The following SH3RF3 variants were observed in gnomAD, a reference collection of about 807,000 sequenced individuals.
SH3RF3 encodes E3 ubiquitin-protein ligase SH3RF3.
A neutral mutation model predicts 66.3 loss-of-function variants in SH3RF3; 29 were observed. That is an observed-to-expected ratio of 0.44 (90% CI 0.33 to 0.60). The LOEUF is 0.60. Ranked by LOEUF, SH3RF3 falls within the 20% of genes least tolerant of loss-of-function variation. The pLI is 0.04. For missense variants in SH3RF3, 1,194 were observed against 1,190.9 expected, an observed-to-expected ratio of 1.00 and a Z score of -0.04; for synonymous variants, 583 against 532.0, an observed-to-expected ratio of 1.10 and a Z score of -1.32.
At chr2:109,425,722 ATTACTGCTCAT>A (rs1359130769) in intron 5 of SH3RF3, among the ~76,000 whole-genome samples, 1 of 151,868 alleles carries the variant, frequency 6.6e-6, no homozygotes, top group Non-Finnish European at 1.5e-5. Flanking sequence ...CTTTTAAAAT[ATTACTGCTCAT>A]TGCCAGTGTA....
At chr2:109,337,727 A>G (rs1682457381) in intron 1 of SH3RF3, among the ~76,000 whole-genome samples, 1 of 151,194 alleles carries the variant, frequency 6.6e-6, no homozygotes, top group East Asian at 2.0e-4. Context: ...TTGTTTTGCT[A>G]AGGTCCCCCT....
chr2:109,331,129 A>G (rs932832058), intron 1 of SH3RF3, among the ~76,000 whole-genome samples: 1 of 152,192 alleles, frequency 6.6e-6, no homozygotes, highest in Non-Finnish European at 1.5e-5. Context: ...AGATAAACTC[A>G]AAAGCGGTTT....
intron 4 of SH3RF3, among the ~76,000 whole-genome samples, chr2:109,416,542 G>A (rs1367620315): frequency 2.0e-5 from 3 of 152,044 alleles, no homozygotes; most frequent in Non-Finnish European, 4.4e-5. Flanking sequence ...GCGCCATCAT[G>A]CCTGGCTAAT....
intron 1 of SH3RF3, among the ~76,000 whole-genome samples, chr2:109,180,363 T>C (rs1678047257): frequency 1.3e-5 from 2 of 152,134 alleles, no homozygotes; most frequent in African/African-American, 4.8e-5. Flanking sequence ...AAAGGGACCA[T>C]CTCATTGGCT....
chr2:109,442,138 C>G (rs369893915), intron 7 of SH3RF3, among the ~76,000 whole-genome samples: 9 of 151,902 alleles, frequency 5.9e-5, no homozygotes, highest in South Asian at 2.1e-4. Context: ...AGTGAAACCC[C>G]GTCTCTACTA....
rs573115587 is a variant in SH3RF3 at position 109,378,035 on chromosome 2, G to A, written c.945+6354G>A. 2.0e-5 allele frequency among the ~76,000 whole-genome samples: 3 copies of A among 152,354 alleles called. No homozygotes were observed. The South Asian group carries it at 6.2e-4, about 32-fold the overall frequency. On this transcript the variant is annotated intron_variant, in intron 3 of 9. Coordinates refer to ENST00000309415, the MANE Select transcript of SH3RF3 (RefSeq NM_001099289.3). ...GTGTTGGATTTGCCATTTTACCTTG[G>A]TCTTGTGGGTTTTCGGCCCTTGCCT...
chr2:109,491,915 C>T (rs767385851), intron 9 of SH3RF3, among the ~76,000 whole-genome samples: 2 of 152,228 alleles, frequency 1.3e-5, no homozygotes, highest in Non-Finnish European at 2.9e-5. Flanking sequence ...TCCCAGACGC[C>T]ATTCCCAGTG....
intron 4 of SH3RF3, among the ~76,000 whole-genome samples, chr2:109,401,511 A>C (rs1019911482): frequency 6.6e-6 from 1 of 152,162 alleles, no homozygotes; most frequent in Admixed American, 6.5e-5. Context: ...GCCAGTGCCT[A>C]TCCTGACAAG....
chr2:109,500,047 G>C (rs763475721), intron 9 of SH3RF3, among the ~76,000 whole-genome samples: 4 of 152,124 alleles, frequency 2.6e-5, no homozygotes, highest in Admixed American at 1.3e-4. Context: ...ACATGCTGAC[G>C]TGCTCACTGA....
chr2:109,301,912 G>A (rs1395367019), intron 1 of SH3RF3, among the ~76,000 whole-genome samples: 1 of 152,164 alleles, frequency 6.6e-6, no homozygotes, highest in African/African-American at 2.4e-5. Context: ...CTTCCCCGGT[G>A]CGGGACCGGG....
chr2:109,141,196 T>G (rs1303451344), intron 1 of SH3RF3, among the ~76,000 whole-genome samples: 1 of 152,222 alleles, frequency 6.6e-6, no homozygotes, highest in African/African-American at 2.4e-5. Context: ...TCTGTGCAGT[T>G]TCTGGCTCCA....
chr2:109,181,636 A>G (rs1558943979), intron 1 of SH3RF3, among the ~76,000 whole-genome samples: 1 of 152,184 alleles, frequency 6.6e-6, no homozygotes, highest in Non-Finnish European at 1.5e-5. Context: ...CCTGCAGTAG[A>G]TGCCTGTTGC....
chr2:109,453,235 T>G (rs1677938841), intron 8 of SH3RF3, among the ~76,000 whole-genome samples: 1 of 152,192 alleles, frequency 6.6e-6, no homozygotes, highest in African/African-American at 2.4e-5. Flanking sequence ...CTCCCAGGTC[T>G]CTTCCTGCCC....
intron 1 of SH3RF3, among the ~76,000 whole-genome samples, chr2:109,152,031 G>GT (rs1677235134): frequency 6.6e-6 from 1 of 152,234 alleles, no homozygotes. Flanking sequence ...CCAATGGGAA[G>GT]TTATTACTTC....
At chr2:109,259,783 A>G (rs1680307651) in intron 1 of SH3RF3, among the ~76,000 whole-genome samples, 1 of 152,176 alleles carries the variant, frequency 6.6e-6, no homozygotes, top group African/African-American at 2.4e-5. Flanking sequence ...AGCTTTATTC[A>G]GACAAGTTTC....
intron 1 of SH3RF3, among the ~76,000 whole-genome samples, chr2:109,265,790 A>T (rs1384537716): frequency 3.3e-5 from 5 of 152,254 alleles, no homozygotes; most frequent in African/African-American, 1.2e-4. Flanking sequence ...AAAAGCTTTT[A>T]ATATGCAGGG....
chr2:109,321,901 A>G (rs1682036167), intron 1 of SH3RF3, among the ~76,000 whole-genome samples: 1 of 152,192 alleles, frequency 6.6e-6, no homozygotes, highest in South Asian at 2.1e-4. Flanking sequence ...TGTGGTCAGG[A>G]CTTCAGGACT....
chr2:109,268,128 C>G (rs1416040204), intron 1 of SH3RF3, among the ~76,000 whole-genome samples: 1 of 151,964 alleles, frequency 6.6e-6, no homozygotes, highest in Non-Finnish European at 1.5e-5. Flanking sequence ...TGGCTCCACT[C>G]ACCTCCTTTG....
intron 5 of SH3RF3, among the ~76,000 whole-genome samples, chr2:109,427,393 GAC>G (rs1474160388): frequency 1.3e-5 from 2 of 152,164 alleles, no homozygotes; most frequent in African/African-American, 2.4e-5. Flanking sequence ...AAATTCGGGT[GAC>G]AGTTTATTGC....
Sources: allele counts gnomAD v4.1 joint callset (sites outside exome capture counted in the v4.1 genomes callset), GRCh38; gene constraint gnomAD v4.1.1; transcripts MANE v1.5; gene names NCBI Gene and HGNC (gene_info 2026-07-23, HGNC 2026-07-21).